The following GALNT13 variants were observed in gnomAD, a reference collection of about 807,000 sequenced individuals.
The protein encoded by GALNT13 is polypeptide N-acetylgalactosaminyltransferase 13, also known as UDP-GalNAc:polypeptide N-acetylgalactosaminyltransferase 13.
GALNT13 carries 28 observed loss-of-function variants against 64.2 expected under a neutral mutation model. The ratio of observed to expected loss-of-function variants is 0.44; its 90% CI spans 0.32 to 0.60. The LOEUF (loss-of-function observed/expected upper bound fraction) is 0.60, where lower values mean the gene tolerates loss of function less well. Among genes scored for constraint, GALNT13 ranks in the 20% least tolerant of loss-of-function variants. GALNT13 has a pLI of 0.05. For synonymous variants in GALNT13, 214 were observed against 224.6 expected, an observed-to-expected ratio of 0.95 and a Z score of 0.42; for missense variants, 577 against 669.8, an observed-to-expected ratio of 0.86 and a Z score of 1.53.
the GALNT13 span, among the ~76,000 whole-genome samples, chr2:153,525,708 A>G: frequency 6.6e-6 from 1 of 152,164 alleles, no homozygotes; most frequent in Non-Finnish European, 1.5e-5. Context: ...AGTGCCAAAA[A>G]GGCTGGGGAC....
the GALNT13 span, among the ~76,000 whole-genome samples, chr2:153,162,931 C>T: frequency 1.3e-5 from 2 of 152,130 alleles, no homozygotes; most frequent in African/African-American, 2.4e-5. Flanking sequence ...GAATCAATTA[C>T]AGCTGAGAGA....
At chr2:154,187,624 A>G (rs966875078) in intron 4 of GALNT13, among the ~76,000 whole-genome samples, 2 of 152,100 alleles carry the variant, frequency 1.3e-5, no homozygotes, top group African/African-American at 4.8e-5. Context: ...ATTACACTAC[A>G]TGACTCATTA....
chr2:154,202,511 G>A (rs1006826885), intron 4 of GALNT13, among the ~76,000 whole-genome samples: 8 of 151,914 alleles, frequency 5.3e-5, no homozygotes, highest in Admixed American at 4.6e-4. Flanking sequence ...TTAGCCATGG[G>A]CCAGGGAGCC....
the GALNT13 span, among the ~76,000 whole-genome samples, chr2:153,542,241 A>G: frequency 6.6e-6 from 1 of 151,968 alleles, no homozygotes; most frequent in Non-Finnish European, 1.5e-5. Flanking sequence ...AATCACTTGA[A>G]CCCAGGAGGT....
the GALNT13 span, among the ~76,000 whole-genome samples, chr2:153,233,485 T>TAAA: frequency 5.3e-5 from 7 of 133,144 alleles, no homozygotes; most frequent in African/African-American, 2.0e-4. Flanking sequence ...TACCTTATTT[T>TAAA]TAAAAAAAAA....
the GALNT13 span, chr2:153,478,650 C>T: frequency 8.8e-7 from 1 of 1,131,382 alleles, no homozygotes; most frequent in Non-Finnish European, 1.2e-6. Flanking sequence ...CCGGGCTGAG[C>T]GCTCACTCGC....
the GALNT13 span, among the ~76,000 whole-genome samples, chr2:153,452,605 A>G: frequency 4.6e-5 from 7 of 152,086 alleles, no homozygotes; most frequent in East Asian, 1.4e-3. Flanking sequence ...TAATAGAATG[A>G]TAGTCTTAGA....
intron 2 of GALNT13, chr2:153,926,390 G>A (rs1486299639): frequency 6.6e-6 from 1 of 151,984 alleles, no homozygotes. Context: ...TGGTCCTGAT[G>A]GATTTAAGGT....
chr2:153,745,972 A>T, the GALNT13 span, among the ~76,000 whole-genome samples: 1 of 152,200 alleles, frequency 6.6e-6, no homozygotes, highest in Admixed American at 6.5e-5. Context: ...GCTACTTATG[A>T]TACCTGGCCA....
chr2:153,826,028 C>A, the GALNT13 span, among the ~76,000 whole-genome samples: 3 of 152,096 alleles, frequency 2.0e-5, no homozygotes, highest in Non-Finnish European at 2.9e-5. Flanking sequence ...ATTCTGATAC[C>A]CTTCTCTATC....
At chr2:153,651,076 C>T in the GALNT13 span, among the ~76,000 whole-genome samples, 3,791 of 152,136 alleles carry the variant, frequency 0.025, 79 homozygotes, top group Non-Finnish European at 0.039. Context: ...ATTTACTGTA[C>T]GGCATTGTCC....
chr2:153,501,950 C>G, the GALNT13 span, among the ~76,000 whole-genome samples: 15,495 of 152,058 alleles, frequency 0.1, 856 homozygotes, highest in Middle Eastern at 0.15. Flanking sequence ...TTTGAACTCA[C>G]GGAGGGGCAG....
At chr2:153,315,302 C>T in the GALNT13 span, among the ~76,000 whole-genome samples, 1 of 152,050 alleles carries the variant, frequency 6.6e-6, no homozygotes, top group African/African-American at 2.4e-5. Flanking sequence ...TGGCAAGGAC[C>T]CACTTTCTGG....
intron 9 of GALNT13, among the ~76,000 whole-genome samples, chr2:154,378,502 A>G (rs1410600542): frequency 1.3e-5 from 2 of 152,178 alleles, no homozygotes; most frequent in African/African-American, 2.4e-5. Context: ...TGTAGTTTAC[A>G]CATGCACAGA....
the GALNT13 span, among the ~76,000 whole-genome samples, chr2:153,259,364 T>A: frequency 6.7e-6 from 1 of 149,810 alleles, no homozygotes; most frequent in Non-Finnish European, 1.5e-5. Context: ...AGGTCTTGTA[T>A]TTTTTTTTTA....
chr2:153,229,757 A>G, the GALNT13 span, among the ~76,000 whole-genome samples: 1 of 152,216 alleles, frequency 6.6e-6, no homozygotes, highest in African/African-American at 2.4e-5. Context: ...TGGCAATTAA[A>G]TTCCTTGGAA....
the GALNT13 span, among the ~76,000 whole-genome samples, chr2:153,607,309 A>G: frequency 2.0e-5 from 3 of 152,108 alleles, no homozygotes; most frequent in East Asian, 5.8e-4. Context: ...TGCCTTCTAC[A>G]TGCAAAGAAC....
chr2:153,475,290 CTG>C, the GALNT13 span, among the ~76,000 whole-genome samples: 1 of 152,236 alleles, frequency 6.6e-6, no homozygotes, highest in East Asian at 1.9e-4. Context: ...GCATTGCAGA[CTG>C]TGCATTTCCC....
At chr2:154,157,696 C>T (rs1684500978) in intron 4 of GALNT13, among the ~76,000 whole-genome samples, 1 of 152,126 alleles carries the variant, frequency 6.6e-6, no homozygotes, top group Non-Finnish European at 1.5e-5. Context: ...ATCTCCGTAC[C>T]ACCATTTTGT....
Sources: gnomAD v4.1 joint callset for allele counts (sites outside exome capture counted in the v4.1 genomes callset) on GRCh38, gnomAD v4.1.1 for gene constraint, MANE v1.5 for transcripts, NCBI Gene and HGNC (gene_info 2026-07-23, HGNC 2026-07-21) for gene names.